Variants in LAMA2 observed in about 807,000 individuals in gnomAD.
The protein encoded by LAMA2 is laminin subunit alpha-2.
In LAMA2, 269 loss-of-function variants were observed where a neutral mutation model predicts 364.8. The observed-to-expected ratio is 0.74, with a 90% CI of 0.67 to 0.82. The LOEUF (loss-of-function observed/expected upper bound fraction) is 0.82, where lower values mean the gene tolerates loss of function less well. Among genes scored for constraint, LAMA2 ranks in the 40% least tolerant of loss-of-function variants. The probability of loss-of-function intolerance (pLI) is 0.00; values close to 1 mark genes in which losing one functional copy is unlikely to be tolerated. For missense variants in LAMA2, 3,807 were observed against 3,873.2 expected (o/e 0.98, Z 0.45); for synonymous variants, 1,379 against 1,370.6 (o/e 1.01, Z -0.14).
At chr6:129,233,635 G>C (rs1042483040) in intron 12 of LAMA2, among the ~76,000 whole-genome samples, 13 of 152,098 alleles carry the variant, frequency 8.5e-5, no homozygotes, top group Non-Finnish European at 1.5e-4. Flanking sequence ...GGAGGGGTTG[G>C]TCTTGCTGTC....
In LAMA2 at chr6:129,465,125, T is replaced by C; in HGVS notation, c.7156-20T>C. ...TTCTCTGTGTATCTAACCACTGGGGTATGTTTACTCTATTAATAGAGAGAT... is the reference window on the plus strand; with the variant it reads ...TTCTCTGTGTATCTAACCACTGGGGCATGTTTACTCTATTAATAGAGAGAT... On this transcript the variant is annotated intron_variant, in intron 50 of 64. Transcript: ENST00000421865. The C allele has an allele frequency of 6.3e-7, 1 of 1,596,648 alleles. No individual in the cohort carries two copies. The highest frequency in any genetic ancestry group is 8.6e-7 in the Non-Finnish European group (1 of 1,164,870).
intron 28 of LAMA2, among the ~76,000 whole-genome samples, chr6:129,324,924 T>C (rs899757233): frequency 6.6e-6 from 1 of 152,166 alleles, no homozygotes; most frequent in African/African-American, 2.4e-5. Context: ...ATTCAGAACC[T>C]TACTACATAC....
chr6:129,011,983 A>AGG lies in LAMA2; in HGVS notation c.113-37934_113-37933dup, dbSNP rs199944321. ...GAAAATGTATTAAAAGAGAAAAACG[A>AGG]GGCACTGGGCTCTTCTACTCTTGTT... On this transcript the variant is annotated intron_variant, in intron 1 of 64. Coordinates refer to ENST00000421865, the MANE Select transcript of LAMA2 (RefSeq NM_000426.4). 4.4e-3 allele frequency among the ~76,000 whole-genome samples: 663 copies of AGG among 152,288 alleles called. 4 individuals are homozygous for AGG. Among genetic ancestry groups the AGG allele is most frequent in the African/African-American group, 0.015 (633 of 41,568 alleles).
At chr6:128,950,264 G>A (rs1780728780) in intron 1 of LAMA2, among the ~76,000 whole-genome samples, 1 of 152,130 alleles carries the variant, frequency 6.6e-6, no homozygotes, top group African/African-American at 2.4e-5. Context: ...CAGGTGGGGA[G>A]AAGCTTTGGG....
rs765347938 is a variant in LAMA2, at chr6:129,456,363, A to G, written c.6736A>G (p.Arg2246Gly). The change falls in exon 48 of 65, where the codon AGA becomes GGA. Residue 2246 changes from arginine to glycine, a missense_variant. Physicochemically the swap from Arg to Gly is moderately radical, Grantham distance 125. This residue lies in a region of LAMA2 where 3,333 missense variants were observed against 3,345.7 expected (regional missense o/e 1.00). Coordinates refer to ENST00000421865, the MANE Select transcript of LAMA2 (RefSeq NM_000426.4). ...TGGGAGAAATGGAACTATTTCTGTG[A>G]GAGCCCTGGATGGACCCAAAGCCAG... ...RTGRNGTISV[R>G]ALDGPKASIV... 2 of 1,613,612 alleles carry G rather than the reference A, an allele frequency of 1.2e-6. No individual in the cohort carries two copies. The highest frequency in any genetic ancestry group is 8.5e-7 in the Non-Finnish European group (1 of 1,179,662).
rs1181219589 is a variant in LAMA2, at chr6:129,366,293, C to T, written c.4792C>T (p.Leu1598Phe). The change falls in exon 33 of 65, where the codon CTC becomes TTC. Residue 1598 changes from leucine to phenylalanine, a missense_variant. Leu to Phe is a conservative substitution (Grantham distance 22). Around this residue, in one of 3 missense-constraint regions of LAMA2, gnomAD observed 3,333 missense variants for 3,345.7 expected, o/e 1.00. Transcript: ENST00000421865. ...GGAGCAGATGGTCATGAGCATCAAC[C>T]TCACTGGTCCGCTGCCTGCGCCATA... ...RLEQMVMSIN[L>F]TGPLPAPYKM... 3 of 1,613,798 alleles carry T rather than the reference C, an allele frequency of 1.9e-6. No homozygotes were observed. The highest frequency in any genetic ancestry group is 2.5e-6 in the Non-Finnish European group (3 of 1,179,964).
intron 1 of LAMA2, among the ~76,000 whole-genome samples, chr6:129,023,059 C>G (rs374011239): frequency 3.3e-5 from 5 of 152,038 alleles, no homozygotes; most frequent in African/African-American, 1.2e-4. Flanking sequence ...TTTTTTTAAA[C>G]AAAAATTTAT....
chr6:128,969,251 G>A (rs1339211547), intron 1 of LAMA2, among the ~76,000 whole-genome samples: 1 of 152,116 alleles, frequency 6.6e-6, no homozygotes, highest in Non-Finnish European at 1.5e-5. Flanking sequence ...ATAACATGTT[G>A]TAATAATCAC....
At chr6:129,103,300 A>T (rs1159964524) in intron 4 of LAMA2, among the ~76,000 whole-genome samples, 1 of 152,126 alleles carries the variant, frequency 6.6e-6, no homozygotes, top group Non-Finnish European at 1.5e-5. Context: ...AATTTTTTTT[A>T]TTTTGGAATT....
chr6:129,401,985 A>G (rs1334981536), intron 38 of LAMA2, among the ~76,000 whole-genome samples: 2 of 152,170 alleles, frequency 1.3e-5, no homozygotes, highest in African/African-American at 4.8e-5. Flanking sequence ...AGGTGGGCAG[A>G]CTGCCTGAGC....
intron 3 of LAMA2, among the ~76,000 whole-genome samples, chr6:129,062,912 G>GTTTTTT (rs368817743): frequency 3.7e-4 from 48 of 130,020 alleles, no homozygotes; most frequent in Non-Finnish European, 6.9e-4. Context: ...ATTACAGTGG[G>GTTTTTT]TTTTTTTTTT....
At chr6:129,084,577 G>A (rs1324538461) in intron 3 of LAMA2, among the ~76,000 whole-genome samples, 1 of 152,122 alleles carries the variant, frequency 6.6e-6, no homozygotes, top group African/African-American at 2.4e-5. Context: ...TATCAGTGAT[G>A]ATATTTGATA....
intron 39 of LAMA2, 150 bp downstream of exon 39, chr6:129,402,637 T>C: frequency 1.2e-6 from 1 of 806,226 alleles, no homozygotes; most frequent in South Asian, 1.6e-5. Flanking sequence ...ATAGGCTTAA[T>C]TAGGAGGGTC....
chr6:129,061,802 A>C (rs949294888), intron 3 of LAMA2, among the ~76,000 whole-genome samples: 1 of 152,218 alleles, frequency 6.6e-6, no homozygotes, highest in African/African-American at 2.4e-5. Flanking sequence ...CAAAGTCTGA[A>C]ATTCACCAAG....
At chr6:129,456,765 A>G (rs1782987180) in intron 48 of LAMA2, among the ~76,000 whole-genome samples, 1 of 152,148 alleles carries the variant, frequency 6.6e-6, no homozygotes, top group Non-Finnish European at 1.5e-5. Context: ...TTCTTGTTTT[A>G]GTTGCCTCAA....
Position 128,946,884 on chromosome 6 carries a change from A to G in LAMA2, c.112+63527A>G, listed in dbSNP as rs577036020. Among the ~76,000 whole-genome samples the G allele has an allele frequency of 2.6e-5, 4 of 152,326 alleles. No individual in the cohort carries two copies. In the South Asian group the frequency reaches 8.3e-4, roughly 32 times the overall value. On this transcript the variant is annotated intron_variant, in intron 1 of 64. Coordinates refer to ENST00000421865, the MANE Select transcript of LAMA2 (RefSeq NM_000426.4). ...ATAAGTAGGTCCCATTGAATATCACAATTAATCTATTTAAGAAGGTTGAGA... is the reference window on the plus strand; with the variant it reads ...ATAAGTAGGTCCCATTGAATATCACGATTAATCTATTTAAGAAGGTTGAGA...
At chr6:129,505,079 T>A (rs1785947296) in intron 60 of LAMA2, 121 bp from the exon 61 acceptor site, 1 of 854,820 alleles carries the variant, frequency 1.2e-6, no homozygotes, top group Non-Finnish European at 2.0e-6. Flanking sequence ...TAGCGCATAC[T>A]AAGCACTGTG....
intron 1 of LAMA2, among the ~76,000 whole-genome samples, chr6:128,894,464 GTTACT>G (rs1776645484): frequency 6.6e-6 from 1 of 152,086 alleles, no homozygotes; most frequent in Non-Finnish European, 1.5e-5. Flanking sequence ...TCTTGAAATA[GTTACT>G]TTATTCATTC....
intron 2 of LAMA2, among the ~76,000 whole-genome samples, chr6:129,057,801 C>T (rs776955857): frequency 2.6e-5 from 4 of 152,152 alleles, no homozygotes; most frequent in Non-Finnish European, 4.4e-5. Context: ...ATTAGGTAGG[C>T]AAATTGAGAG....
Sources: allele counts gnomAD v4.1 joint callset (sites outside exome capture counted in the v4.1 genomes callset), GRCh38; gene constraint gnomAD v4.1.1; regional missense constraint gnomAD v4.1.1; transcripts MANE v1.5; gene names NCBI Gene and HGNC (gene_info 2026-07-23, HGNC 2026-07-21).